CFAP61: variants seen among roughly 807,000 people sequenced by gnomAD.
CFAP61 encodes the protein cilia- and flagella-associated protein 61.
Under a neutral mutation model 135.6 loss-of-function variants are expected in CFAP61, and 107 were observed. The ratio of observed to expected loss-of-function variants is 0.79; its 90% confidence interval spans 0.67 to 0.93. The LOEUF is 0.93. Among genes scored for constraint, CFAP61 ranks in the 40% least tolerant of loss-of-function variants. The probability of loss-of-function intolerance (pLI) is 0.00; values close to 1 mark genes in which losing one functional copy is unlikely to be tolerated. For missense variants in CFAP61, 1,507 were observed against 1,556.2 expected, an observed-to-expected ratio of 0.97 and a Z score of 0.53; for synonymous variants, 575 against 578.5, an observed-to-expected ratio of 0.99 and a Z score of 0.09.
chr20:20,319,841 C>T (rs2057345239), intron 25 of CFAP61, among the ~76,000 whole-genome samples: 1 of 152,122 alleles, frequency 6.6e-6, no homozygotes, highest in African/African-American at 2.4e-5. Context: ...CCTAGGGAAT[C>T]ATGGACATGG....
intron 25 of CFAP61, among the ~76,000 whole-genome samples, chr20:20,308,018 G>A (rs1285197077): frequency 2.6e-5 from 4 of 152,194 alleles, no homozygotes; most frequent in African/African-American, 9.7e-5. Context: ...AGTTTTAAAA[G>A]TTGCTTTGGA....
chr20:20,152,912 G>A (rs1013193815), intron 9 of CFAP61, among the ~76,000 whole-genome samples: 24 of 152,124 alleles, frequency 1.6e-4, no homozygotes, highest in African/African-American at 5.8e-4. Context: ...AACAACTGCA[G>A]AATATACATT....
intron 8 of CFAP61, among the ~76,000 whole-genome samples, chr20:20,133,466 G>A (rs1405263811): frequency 1.3e-5 from 2 of 152,180 alleles, no homozygotes; most frequent in African/African-American, 4.8e-5. Flanking sequence ...GACCTCAGAA[G>A]GTTTAGGCTT....
intron 3 of CFAP61, 109 bp downstream of exon 3, chr20:20,071,113 T>C: frequency 2.7e-6 from 3 of 1,120,342 alleles, no homozygotes; most frequent in Non-Finnish European, 3.8e-6. Flanking sequence ...TATGACATCA[T>C]GACAGTTAAA....
rs376085853 is a variant in CFAP61, at chr20:20,208,047, G to C, written c.1932+8145G>C. 4.6e-5 allele frequency among the ~76,000 whole-genome samples: 7 copies of C among 152,270 alleles called. No homozygotes were observed. The East Asian group carries it at 7.7e-4, about 17-fold the overall frequency. On this transcript the variant is annotated intron_variant, in intron 17 of 26. Coordinates refer to ENST00000245957, the MANE Select transcript of CFAP61 (RefSeq NM_015585.4). ...TCAGTGAGTCCTTTCCTCCTGCCCG[G>C]CCCTGCATTACATCCTGTCCCGGAT... is the stretch of plus-strand genomic sequence containing the variant.
chr20:20,269,166 T>TAC (rs1473476357), intron 21 of CFAP61, among the ~76,000 whole-genome samples: 1 of 67,256 alleles, frequency 1.5e-5, no homozygotes, highest in African/African-American at 4.7e-5. Flanking sequence ...CACACACACA[T>TAC]ACATATATGT....
intron 17 of CFAP61, among the ~76,000 whole-genome samples, chr20:20,216,959 C>G (rs915080104): frequency 2.0e-5 from 3 of 152,044 alleles, no homozygotes; most frequent in Non-Finnish European, 4.4e-5. Context: ...GTGGCCACTC[C>G]CATTTATTGT....
At chr20:20,144,655 T>G (rs756108441) in intron 9 of CFAP61, among the ~76,000 whole-genome samples, 1 of 150,766 alleles carries the variant, frequency 6.6e-6, no homozygotes, top group Admixed American at 6.6e-5. Flanking sequence ...ATGATAAATT[T>G]GATGAAAACA....
At chr20:20,266,111 A>G (rs1188803780) in intron 21 of CFAP61, among the ~76,000 whole-genome samples, 1 of 152,170 alleles carries the variant, frequency 6.6e-6, no homozygotes, top group African/African-American at 2.4e-5. Flanking sequence ...TCCTAAATAA[A>G]CCATTGGCTT....
chr20:20,059,056 C>T (rs1469204110), intron 2 of CFAP61, among the ~76,000 whole-genome samples: 1 of 152,088 alleles, frequency 6.6e-6, no homozygotes, highest in African/African-American at 2.4e-5. Flanking sequence ...GAAGGCCGGA[C>T]ACAGTGGCTC....
At chr20:20,297,202 C>G (rs569889145) in intron 24 of CFAP61, among the ~76,000 whole-genome samples, 2 of 152,290 alleles carry the variant, frequency 1.3e-5, no homozygotes, top group South Asian at 4.2e-4. Flanking sequence ...AAAAGTTAAA[C>G]CGTGTGTCCT....
chr20:20,083,576 G>A (rs2046582276), intron 6 of CFAP61, among the ~76,000 whole-genome samples: 1 of 152,142 alleles, frequency 6.6e-6, no homozygotes. Flanking sequence ...TAACTCTTAA[G>A]GCAATCATTT....
chr20:20,077,674 G>C (rs1263394832), intron 6 of CFAP61, among the ~76,000 whole-genome samples: 1 of 152,218 alleles, frequency 6.6e-6, no homozygotes, highest in African/African-American at 2.4e-5. Context: ...GTTCAGTCTG[G>C]AAAGACAGGA....
In CFAP61 at chr20:20,334,219, C is replaced by T. The variant is rs570049485; in HGVS notation, c.3423-7612C>T. 3.3e-5 allele frequency among the ~76,000 whole-genome samples: 5 copies of T among 152,284 alleles called. No homozygotes were observed. The East Asian group carries it at 5.8e-4, about 18-fold the overall frequency. On this transcript the variant is annotated intron_variant, in intron 25 of 26. Transcript: ENST00000245957. The stretch of plus-strand genomic sequence containing the variant: ...TCAGCTCACTGCAACCTCTGCCTCC[C>T]GGATTCAAGCAATTCTCCTGCCTCA...
chr20:20,110,887 A>G (rs1184030266), intron 8 of CFAP61, among the ~76,000 whole-genome samples: 9 of 152,272 alleles, frequency 5.9e-5, no homozygotes, highest in African/African-American at 2.2e-4. Flanking sequence ...AAAGGGGCAA[A>G]ACAAGACAAC....
intron 17 of CFAP61, among the ~76,000 whole-genome samples, chr20:20,223,374 C>T (rs1004885896): frequency 6.6e-6 from 1 of 152,146 alleles, no homozygotes; most frequent in Non-Finnish European, 1.5e-5. Context: ...TAAACCTTGC[C>T]ACCAAGCTAA....
chr20:20,350,089 T>C (rs1028523115), intron 26 of CFAP61, among the ~76,000 whole-genome samples: 1 of 152,196 alleles, frequency 6.6e-6, no homozygotes, highest in African/African-American at 2.4e-5. Flanking sequence ...CATGAAAATA[T>C]GTTCAGCATC....
chr20:20,074,078 G>T, intron 3 of CFAP61: 1 of 569,624 alleles, frequency 1.8e-6, no homozygotes, highest in Non-Finnish European at 3.2e-6. Context: ...TACAGTCCCT[G>T]TTTCCTTAAA....
rs114520802 is a variant in CFAP61 at position 20,071,703 on chromosome 20, C to T, written c.294+699C>T. ...TGATGTCAGAAGAAAAGGGAATGCC[C>T]AATGAGTGTGAGTGAATTCACCCCC... On this transcript the variant is annotated intron_variant, in intron 3 of 26. Transcript: ENST00000245957. Among the ~76,000 whole-genome samples the T allele has an allele frequency of 6.9e-3, 1,052 of 152,230 alleles. 18 individuals are homozygous for T. Among genetic ancestry groups the T allele is most frequent in the African/African-American group, 0.024 (995 of 41,530 alleles).
Sources: allele counts gnomAD v4.1 joint callset (sites outside exome capture counted in the v4.1 genomes callset), GRCh38; gene constraint gnomAD v4.1.1; transcripts MANE v1.5; gene names NCBI Gene and HGNC (gene_info 2026-07-23, HGNC 2026-07-21).